The following ARHGAP26 variants were observed in gnomAD, a reference collection of about 807,000 sequenced individuals.
ARHGAP26 encodes Rho GTPase activating protein 26.
Under a neutral mutation model 104.8 loss-of-function variants are expected in ARHGAP26, and 38 were observed. The observed-to-expected ratio is 0.36, with a 90% CI of 0.28 to 0.48. The LOEUF (loss-of-function observed/expected upper bound fraction) is 0.48. Among genes scored for constraint, ARHGAP26 ranks in the 20% least tolerant of loss-of-function variants. The pLI, the probability that ARHGAP26 is intolerant of heterozygous loss-of-function variation, is 0.99. For synonymous variants in ARHGAP26, 341 were observed against 340.0 expected (o/e 1.00, Z -0.03); for missense variants, 704 against 947.9 (o/e 0.74, Z 3.38).
At chr5:143,008,909 T>C (rs1379740827) in intron 11 of ARHGAP26, among the ~76,000 whole-genome samples, 3 of 152,204 alleles carry the variant, frequency 2.0e-5, no homozygotes, top group African/African-American at 7.2e-5. Context: ...CTGAACTGGC[T>C]CAGCAGTGAA....
Position 143,014,084 on chromosome 5 carries a change from A to G in ARHGAP26, c.1112A>G (p.Tyr371Cys). 1.9e-6 allele frequency: 3 copies of G among 1,614,196 alleles called. No homozygotes were observed. The highest frequency in any genetic ancestry group is 1.7e-6 in the Non-Finnish European group (2 of 1,180,018). Residue 371 changes from tyrosine (Y) to cysteine (C), a missense_variant, in exon 12 of 23, where the codon TAC (tyrosine) becomes TGC (cysteine). This residue lies in a region of ARHGAP26 where 287 missense variants were observed against 438.8 expected (regional missense o/e 0.65). Transcript: ENST00000645722. ...MEAMDGREPV[Y>C]NSNKDSQSEG... ...ATTTTTATTTTTATTTTCCAGGTCT[A>G]CAACTCGAACAAAGACAGCCAGAGT...
intron 2 of ARHGAP26, among the ~76,000 whole-genome samples, chr5:142,874,155 G>T (rs535529710): frequency 6.6e-6 from 1 of 152,252 alleles, no homozygotes; most frequent in East Asian, 1.9e-4. Context: ...GGCTGAGGTG[G>T]GTTACTGTTT....
At chr5:143,133,700 A>T (rs1217910103) in intron 18 of ARHGAP26, among the ~76,000 whole-genome samples, 1 of 152,202 alleles carries the variant, frequency 6.6e-6, no homozygotes, top group East Asian at 1.9e-4. Flanking sequence ...GAGAACAATA[A>T]AAAGACGCTT....
At chr5:142,975,209 T>C (rs895725633) in intron 11 of ARHGAP26, among the ~76,000 whole-genome samples, 3 of 152,180 alleles carry the variant, frequency 2.0e-5, no homozygotes, top group Non-Finnish European at 2.9e-5. Flanking sequence ...GGCATGGACT[T>C]GGAAAAGCTG....
At chr5:143,106,993 T>C (rs1049936550) in intron 17 of ARHGAP26, among the ~76,000 whole-genome samples, 2 of 152,248 alleles carry the variant, frequency 1.3e-5, no homozygotes, top group Non-Finnish European at 2.9e-5. Flanking sequence ...TTTTGTCATA[T>C]ACCTCTGTTT....
intron 20 of ARHGAP26, chr5:143,165,007 G>A (rs186249576): frequency 7.0e-4 from 106 of 152,230 alleles, no homozygotes; most frequent in African/African-American, 2.4e-3. Context: ...GCTTTACTTC[G>A]GATTCATATA....
intron 11 of ARHGAP26, among the ~76,000 whole-genome samples, chr5:143,002,825 G>C (rs567107818): frequency 6.6e-6 from 1 of 152,312 alleles, no homozygotes; most frequent in South Asian, 2.1e-4. Context: ...AAGGTTTTCA[G>C]GATTGCTGAA....
chr5:143,096,138 T>A (rs901828908), intron 17 of ARHGAP26, among the ~76,000 whole-genome samples: 2 of 152,242 alleles, frequency 1.3e-5, no homozygotes, highest in Admixed American at 1.3e-4. Context: ...GATCTTTTAC[T>A]TATGCATGAT....
chr5:142,914,787 C>T (rs559472934), intron 10 of ARHGAP26, among the ~76,000 whole-genome samples: 1 of 152,288 alleles, frequency 6.6e-6, no homozygotes, highest in South Asian at 2.1e-4. Flanking sequence ...TGGTTTTAAA[C>T]AAAACCTAAA....
In ARHGAP26 at chr5:143,091,081, G is replaced by T. The variant is rs919616028; in HGVS notation, c.1539-29907G>T. Among the ~76,000 whole-genome samples, 5 of 152,256 alleles carry T rather than the reference G, an allele frequency of 3.3e-5. No individual in the cohort carries two copies. The South Asian group carries it at 1.0e-3, about 31-fold the overall frequency. On this transcript the variant is annotated intron_variant, in intron 17 of 22. Coordinates refer to ENST00000645722, the MANE Select transcript of ARHGAP26 (RefSeq NM_001135608.3). ...AGCGAGTAAAGAAAAAAGAGTAATA[G>T]AATAGATGAATGAAAGTTAAATTTC...
At chr5:142,985,595 T>C (rs1774582761) in intron 11 of ARHGAP26, among the ~76,000 whole-genome samples, 1 of 151,788 alleles carries the variant, frequency 6.6e-6, no homozygotes, top group South Asian at 2.1e-4. Context: ...CATGTTGGTG[T>C]GCTGCACCCA....
At chr5:142,846,564 T>C (rs1450847490) in intron 1 of ARHGAP26, among the ~76,000 whole-genome samples, 1 of 152,148 alleles carries the variant, frequency 6.6e-6, no homozygotes. Flanking sequence ...GCCTGCTGCT[T>C]CTAGGATGTG....
chr5:142,889,238 G>A (rs1246178275), intron 5 of ARHGAP26, among the ~76,000 whole-genome samples: 3 of 152,092 alleles, frequency 2.0e-5, no homozygotes, highest in Non-Finnish European at 4.4e-5. Flanking sequence ...CGTTTATTAT[G>A]GGCCATACAC....
At chr5:143,064,589 A>G (rs752174515) in intron 17 of ARHGAP26, among the ~76,000 whole-genome samples, 3 of 152,098 alleles carry the variant, frequency 2.0e-5, no homozygotes, top group Non-Finnish European at 2.9e-5. Context: ...TCAAAGGAAA[A>G]TCTATTTAAA....
chr5:143,202,306 C>A (rs920525059), intron 20 of ARHGAP26: 9 of 151,702 alleles, frequency 5.9e-5, no homozygotes, highest in Non-Finnish European at 1.2e-4. Context: ...AGTGAACTGC[C>A]ATTCACAATT....
At position 142,964,546 on chromosome 5, in the gene ARHGAP26, ACACACACACAC is replaced by A. The variant is rs1598412217; in HGVS notation, c.1107+32422_1107+32432del. ...TGCCTTGCTTTTCTCTGTTTAAAAC[ACACACACACAC>A]ACACACACACACACAAAACAACAAC... On this transcript the variant is annotated intron_variant, in intron 11 of 22. Transcript: ENST00000645722. Among the ~76,000 whole-genome samples the A allele has an allele frequency of 2.9e-5, 4 of 139,248 alleles. No homozygotes were observed. The East Asian group carries it at 6.0e-4, about 21-fold the overall frequency. 91.4% of individuals were successfully genotyped at this position (139,248 alleles called of 152,430 possible).
At chr5:143,137,574 T>G (rs1000399718) in intron 19 of ARHGAP26, among the ~76,000 whole-genome samples, 1 of 152,252 alleles carries the variant, frequency 6.6e-6, no homozygotes, top group African/African-American at 2.4e-5. Context: ...TCCTCTACCT[T>G]CACACTTGCC....
chr5:142,995,266 T>C (rs1339465572), intron 11 of ARHGAP26, among the ~76,000 whole-genome samples: 2 of 152,180 alleles, frequency 1.3e-5, no homozygotes, highest in Non-Finnish European at 2.9e-5. Context: ...AATCTATCCA[T>C]CTGACAAAGG....
chr5:142,999,316 T>C (rs1270983087), intron 11 of ARHGAP26, among the ~76,000 whole-genome samples: 2 of 152,148 alleles, frequency 1.3e-5, no homozygotes, highest in Non-Finnish European at 2.9e-5. Context: ...ATCTTTACAA[T>C]GCTCAGCACA....
Sources: allele counts gnomAD v4.1 joint callset (sites outside exome capture counted in the v4.1 genomes callset), GRCh38; gene constraint gnomAD v4.1.1; regional missense constraint gnomAD v4.1.1; transcripts MANE v1.5; gene names NCBI Gene and HGNC (gene_info 2026-07-23, HGNC 2026-07-21).